The following PTPN13 variants were observed in gnomAD, a reference collection of about 807,000 sequenced individuals.
The protein encoded by PTPN13 is tyrosine-protein phosphatase non-receptor type 13.
A neutral mutation model predicts 284.0 loss-of-function variants in PTPN13; 191 were observed. That is an observed-to-expected ratio of 0.67 (90% confidence interval 0.60 to 0.76). The LOEUF (loss-of-function observed/expected upper bound fraction) is 0.76. Ranked by LOEUF, PTPN13 falls within the 30% of genes least tolerant of loss-of-function variation. The pLI is 0.00. For missense variants in PTPN13, 2,797 were observed against 2,939.9 expected, an observed-to-expected ratio of 0.95 and a Z score of 1.12; for synonymous variants, 986 against 1,022.3, an observed-to-expected ratio of 0.96 and a Z score of 0.68.
At chr4:86,799,049 A>T in intron 41 of PTPN13, 52 bp from the exon 42 acceptor site, 2 of 1,111,614 alleles carry the variant, frequency 1.8e-6, no homozygotes, top group Non-Finnish European at 1.3e-6. Context: ...GGCCATGTTT[A>T]ATTTGAGTAC....
chr4:86,757,319 T>C (rs1051194310), intron 20 of PTPN13, among the ~76,000 whole-genome samples: 1 of 152,182 alleles, frequency 6.6e-6, no homozygotes, highest in Non-Finnish European at 1.5e-5. Flanking sequence ...GTTATTATGT[T>C]GAGCAGGTCA....
At chr4:86,689,785 T>C (rs1254459515) in intron 5 of PTPN13, 2 of 701,520 alleles carry the variant, frequency 2.9e-6, no homozygotes, top group African/African-American at 3.5e-5. Context: ...CAATGCTATA[T>C]ATTACCTGAA....
At chr4:86,748,804 T>C (rs1185668580) in intron 17 of PTPN13, among the ~76,000 whole-genome samples, 7 of 151,918 alleles carry the variant, frequency 4.6e-5, no homozygotes, top group Admixed American at 2.6e-4. Flanking sequence ...TACAGGCGCC[T>C]GCCACCACGC....
Position 86,617,636 on chromosome 4 carries a change from G to A in PTPN13, c.-5-17616G>A, listed in dbSNP as rs182740574. Among the ~76,000 whole-genome samples the A allele has an allele frequency of 3.2e-3, 491 of 152,154 alleles. 2 individuals are homozygous for A. Among genetic ancestry groups the A allele is most frequent in the Non-Finnish European group, 4.9e-3 (333 of 68,004 alleles). On this transcript the variant is annotated intron_variant, in intron 1 of 47. Transcript: ENST00000411767. ...ATGATCGCCATTCTAACTGGTGTGA[G>A]ATGGTATCTCATTGTGGTTTTGATT...
chr4:86,803,064 CTGTGTGTG>C (rs143647187), intron 42 of PTPN13, among the ~76,000 whole-genome samples: 48 of 136,154 alleles, frequency 3.5e-4, no homozygotes, highest in East Asian at 1.9e-3. Context: ...CAGAATAAGA[CTGTGTGTG>C]TGTGTGTGTG....
At chr4:86,653,525 G>GT (rs1315803615) in intron 2 of PTPN13, among the ~76,000 whole-genome samples, 1 of 137,806 alleles carries the variant, frequency 7.3e-6, no homozygotes, top group African/African-American at 2.7e-5. Flanking sequence ...TGTGTTTATT[G>GT]TTTTTTATTA....
chr4:86,609,965 T>A (rs1289286038), intron 1 of PTPN13, among the ~76,000 whole-genome samples: 1 of 152,198 alleles, frequency 6.6e-6, no homozygotes, highest in Non-Finnish European at 1.5e-5. Context: ...TTCCTTGGCT[T>A]AAGTATGAAT....
At chr4:86,655,937 G>A (rs1476485040) in intron 2 of PTPN13, among the ~76,000 whole-genome samples, 1 of 152,102 alleles carries the variant, frequency 6.6e-6, no homozygotes, top group African/African-American at 2.4e-5. Flanking sequence ...GGCTTTGTTA[G>A]TTTCTTTTTA....
Position 86,734,312 on chromosome 4 carries a change from A to G in PTPN13, c.1868A>G (p.Tyr623Cys). 1 of 1,504,284 alleles carries G rather than the reference A, an allele frequency of 6.6e-7. No individual in the cohort carries two copies. Among genetic ancestry groups the G allele is most frequent in the Non-Finnish European group, 8.9e-7 (1 of 1,121,308 alleles). 93.2% of individuals were successfully genotyped at this position (1,504,284 alleles called of 1,614,324 possible). The change falls in exon 13 of 48, where the codon TAT becomes TGT. Residue 623 changes from tyrosine to cysteine, a missense_variant. Physicochemically the swap from Tyr to Cys is radical, Grantham distance 194. Coordinates refer to ENST00000411767, the MANE Select transcript of PTPN13 (RefSeq NM_080683.3). ...TTCTCATTCTGTTTAGATAATGAAT[A>G]TTTCTTTGTTGATCCTGACTTAAAA... ...FALATLKDNEYFFVDPDLKLT... is the reference protein window; with the variant it reads ...FALATLKDNECFFVDPDLKLT...
At chr4:86,766,981 G>A (rs144395083) in intron 27 of PTPN13, among the ~76,000 whole-genome samples, 53 of 147,542 alleles carry the variant, frequency 3.6e-4, no homozygotes, top group Middle Eastern at 8.4e-3. Context: ...GTGCAGTGGC[G>A]CAATCACGGC....
At chr4:86,622,470 G>A (rs2148667868) in intron 1 of PTPN13, among the ~76,000 whole-genome samples, 1 of 152,210 alleles carries the variant, frequency 6.6e-6, no homozygotes, top group Admixed American at 6.5e-5. Flanking sequence ...TACTTCATTT[G>A]TTTCTAATGA....
chr4:86,745,102 A>C lies in PTPN13; in HGVS notation c.2624A>C (p.Gln875Pro). ...HKFQLQMRARQSNQDAQDIER... is the reference protein window; with the variant it reads ...HKFQLQMRARPSNQDAQDIER... ...TTCCAGCTACAGATGAGAGCAAGAC[A>C]GAGCAACCAAGATGCCCAAGATATT... Residue 875 changes from glutamine to proline, a missense_variant, in exon 17 of 48, where the codon CAG becomes CCG. Transcript: ENST00000411767. 1 of 1,610,808 alleles carries C rather than the reference A, an allele frequency of 6.2e-7. No individual in the cohort carries two copies. The highest frequency in any genetic ancestry group is 8.5e-7 in the Non-Finnish European group (1 of 1,178,498).
At chr4:86,706,254 A>G (rs1330661669) in intron 7 of PTPN13, among the ~76,000 whole-genome samples, 2 of 152,316 alleles carry the variant, frequency 1.3e-5, no homozygotes, top group South Asian at 2.1e-4. Flanking sequence ...CTAGAGCCCA[A>G]TTATAAGATT....
intron 42 of PTPN13, among the ~76,000 whole-genome samples, chr4:86,803,254 A>T (rs1744247126): frequency 6.6e-6 from 1 of 150,440 alleles, no homozygotes; most frequent in Admixed American, 6.6e-5. Flanking sequence ...TATAGAATAT[A>T]CACACACACA....
In PTPN13 at chr4:86,762,815, T is replaced by C. The variant is rs1336362697; in HGVS notation, c.3642T>C (p.Ser1214=). The change falls in exon 24 of 48, where the codon TCT becomes TCC. Residue 1214 remains serine (S), a synonymous_variant. Coordinates refer to ENST00000411767, the MANE Select transcript of PTPN13 (RefSeq NM_080683.3). The part of the protein sequence containing the change: ...SYMQDSAIDS[S]SKDHHWSRGT... The stretch of plus-strand genomic sequence containing the variant: ...TGCAAGACAGTGCTATAGATTCTTC[T>C]TCCAAGGATCACCACTGGTCACGTG... 1 of 1,613,726 alleles carries C rather than the reference T, an allele frequency of 6.2e-7. No individual in the cohort carries two copies. Among genetic ancestry groups the C allele is most frequent in the Non-Finnish European group, 8.5e-7 (1 of 1,179,798 alleles).
At chr4:86,754,347 T>C (rs1737740546) in intron 20 of PTPN13, among the ~76,000 whole-genome samples, 1 of 152,032 alleles carries the variant, frequency 6.6e-6, no homozygotes, top group Non-Finnish European at 1.5e-5. Context: ...ATACCTGAAA[T>C]ACCTTAGTTA....
intron 1 of PTPN13, among the ~76,000 whole-genome samples, chr4:86,604,250 AAAT>A (rs1260847619): frequency 3.9e-5 from 6 of 152,044 alleles, no homozygotes; most frequent in Admixed American, 6.6e-5. Context: ...TGTAAAATGC[AAAT>A]AATAATATAT....
At chr4:86,769,739 T>A in intron 28 of PTPN13, 30 bp from the exon 29 acceptor site, 1 of 1,395,180 alleles carries the variant, frequency 7.2e-7, no homozygotes, top group South Asian at 1.3e-5. Context: ...GTTAATAATA[T>A]CTAAATTTTT....
chr4:86,717,189 A>ATTTT (rs35080587), intron 9 of PTPN13, 72 bp downstream of exon 9: 692 of 739,048 alleles, frequency 9.4e-4, no homozygotes, highest in Non-Finnish European at 1.2e-3. Flanking sequence ...ATTAAATGGA[A>ATTTT]TTTTTTTTTT....
Sources: gnomAD v4.1 joint callset for allele counts (sites outside exome capture counted in the v4.1 genomes callset) on GRCh38, gnomAD v4.1.1 for gene constraint, MANE v1.5 for transcripts, NCBI Gene and HGNC (gene_info 2026-07-23, HGNC 2026-07-21) for gene names.